SLC1A2: variants seen among roughly 807,000 people sequenced by gnomAD.
SLC1A2 encodes the protein excitatory amino acid transporter 2.
A neutral mutation model predicts 48.8 loss-of-function variants in SLC1A2; 15 were observed. The ratio of observed to expected loss-of-function variants is 0.31; its 90% CI spans 0.21 to 0.47. SLC1A2 has a LOEUF of 0.47. SLC1A2 is among the 20% of genes least tolerant of loss of function. The probability of loss-of-function intolerance (pLI) is 0.99; values close to 1 mark genes in which losing one functional copy is unlikely to be tolerated. For missense variants in SLC1A2, 502 were observed against 730.5 expected, an observed-to-expected ratio of 0.69 and a Z score of 3.61; for synonymous variants, 279 against 272.6, an observed-to-expected ratio of 1.02 and a Z score of -0.23.
Position 35,251,518 on chromosome 11 carries a change from T to A in SLC1A2, c.*9376A>T, listed in dbSNP as rs1950238054. 6.6e-6 allele frequency: 1 copy of A among 152,488 alleles called. No individual in the cohort carries two copies. Among genetic ancestry groups the A allele is most frequent in the South Asian group, 2.1e-4 (1 of 4,838 alleles). The allele number at this position is 152,488 out of a possible 1,614,324, so 9.4% of individuals were successfully genotyped here. On this transcript the variant is annotated 3_prime_UTR_variant, in exon 11 of 11. Coordinates refer to ENST00000278379, the MANE Select transcript of SLC1A2 (RefSeq NM_004171.4). ...GTCTTTAAACACTATGTGCTATAGA[T>A]GCTCTGTGCTACGTGACTTCAGACC...
At position 35,312,478 on chromosome 11, in the gene SLC1A2, A is replaced by G; in HGVS notation, c.311-30T>C. 3 of 1,611,886 alleles carry G rather than the reference A, an allele frequency of 1.9e-6. No homozygotes were observed. The South Asian group carries it at 3.3e-5, about 18-fold the overall frequency. ...ATTGAAAAGAAATGCAGAAGGATTAATTCTATTACGTTTGTGCTAATGACC... is the reference window on the plus strand; with the variant it reads ...ATTGAAAAGAAATGCAGAAGGATTAGTTCTATTACGTTTGTGCTAATGACC... On this transcript the variant is annotated intron_variant, in intron 3 of 10. Transcript: ENST00000278379.
At chr11:35,280,492 T>C (rs1353229346) in intron 9 of SLC1A2, 2 of 169,382 alleles carry the variant, frequency 1.2e-5, no homozygotes, top group Admixed American at 1.3e-4. Context: ...TGATATGTGG[T>C]ACATCGTCTT....
In SLC1A2 at chr11:35,312,379, G is replaced by A. The variant is rs1413973106; in HGVS notation, c.380C>T (p.Thr127Met). The A allele has an allele frequency of 3.7e-6, 6 of 1,613,962 alleles. No homozygotes were observed. Among genetic ancestry groups the A allele is most frequent in the Admixed American group, 1.7e-5 (1 of 60,000 alleles). ...GTRAMVYYMS[T>M]TIIAAVLGVI... ...CCCCAGTACTGCAGCAATGATGGTC[G>A]TGGACATGTAATACACCATGGCTCT... Residue 127 changes from threonine to methionine, a missense_variant, in exon 4 of 11, where the codon ACG becomes ATG. Thr to Met is a moderately conservative substitution (Grantham distance 81). Around this residue, in one of 4 missense-constraint regions of SLC1A2, gnomAD observed 309 missense variants for 480.3 expected, o/e 0.64. Coordinates refer to ENST00000278379, the MANE Select transcript of SLC1A2 (RefSeq NM_004171.4).
chr11:35,337,622 A>T (rs1177848334), intron 1 of SLC1A2, among the ~76,000 whole-genome samples: 1 of 152,162 alleles, frequency 6.6e-6, no homozygotes, highest in Non-Finnish European at 1.5e-5. Context: ...CCATGGGTGT[A>T]CCAGTAGGTG....
chr11:35,415,163 T>C (rs1246508255), intron 1 of SLC1A2, among the ~76,000 whole-genome samples: 1 of 152,198 alleles, frequency 6.6e-6, no homozygotes, highest in African/African-American at 2.4e-5. Context: ...TAAGGACTTT[T>C]CCTTGTCTGA....
rs1468820226 is a variant in SLC1A2 at position 35,315,168 on chromosome 11, G to A, written c.165C>T (p.Ile55=). The part of the protein sequence containing the change: ...LLLTLTVFGV[I]LGAVCGGLLR... ...GAAGCCCTCCACACACTGCTCCCAG[G>A]ATGACACCTAAAAGGAAGGGGAAAA... is the stretch of plus-strand genomic sequence containing the variant. The change falls in exon 3 of 11, where the codon ATC becomes ATT. Residue 55 remains isoleucine, a synonymous_variant. Coordinates refer to ENST00000278379, the MANE Select transcript of SLC1A2 (RefSeq NM_004171.4). 2.5e-6 allele frequency: 4 copies of A among 1,613,300 alleles called. No individual in the cohort carries two copies. The South Asian group carries it at 3.3e-5, about 13-fold the overall frequency.
At chr11:35,397,303 A>G (rs2135260602) in intron 1 of SLC1A2, among the ~76,000 whole-genome samples, 1 of 145,988 alleles carries the variant, frequency 6.8e-6, no homozygotes, top group Non-Finnish European at 1.5e-5. Flanking sequence ...AGTAACCAAA[A>G]CAGCATGGTA....
At chr11:35,419,877 C>A (rs1234916094), upstream of SLC1A2, 1 of 461,070 alleles carries the variant, frequency 2.2e-6, no homozygotes, top group South Asian at 1.6e-5. The surrounding 1 kb of genome is among the most constrained non-coding windows in gnomAD (Gnocchi z 5.4). Context: ...CCTCCTCACT[C>A]CCCGGAGCAC....
intron 1 of SLC1A2, among the ~76,000 whole-genome samples, chr11:35,326,193 C>T (rs569906267): frequency 8.5e-5 from 13 of 152,198 alleles, no homozygotes; most frequent in African/African-American, 3.1e-4. Flanking sequence ...GATGAGGACC[C>T]GGGAAGATGC....
rs1225532912 is a variant in SLC1A2, at chr11:35,315,101, T to C, written c.232A>G (p.Ile78Val). Residue 78 changes from isoleucine (I) to valine (V), a missense_variant, in exon 3 of 11, where the codon ATA becomes GTA. Transcript: ENST00000278379. ...SPIHPDVVML[I>V]AFPGDILMRM... ...ATGAGTATATCCCCTGGGAAGGCTA[T>C]TAACATAACCACATCAGGGTGGATG... 2 of 1,612,770 alleles carry C rather than the reference T, an allele frequency of 1.2e-6. No homozygotes were observed. Among genetic ancestry groups the C allele is most frequent in the Non-Finnish European group, 1.7e-6 (2 of 1,178,822 alleles).
In SLC1A2 at chr11:35,407,059, C is replaced by T. The variant is rs550664810; in HGVS notation, c.17+11891G>A. Among the ~76,000 whole-genome samples, 4 of 150,804 alleles carry T rather than the reference C, an allele frequency of 2.7e-5. No homozygotes were observed. In the South Asian group the frequency reaches 6.3e-4, roughly 24 times the overall value. On this transcript the variant is annotated intron_variant, in intron 1 of 10. Coordinates refer to ENST00000278379, the MANE Select transcript of SLC1A2 (RefSeq NM_004171.4). ...AAGAGAAGAATTCCAACTAGGGAGA[C>T]TTAGAAAGGACTTAAAAGGTAAATC...
chr11:35,265,298 G>A, intron 10 of SLC1A2: 1 of 555,974 alleles, frequency 1.8e-6, no homozygotes, highest in Non-Finnish European at 3.1e-6. Flanking sequence ...ACATCACATG[G>A]ACGAAATAAG....
At chr11:35,359,120 G>C (rs1419701898) in intron 1 of SLC1A2, among the ~76,000 whole-genome samples, 1 of 152,162 alleles carries the variant, frequency 6.6e-6, no homozygotes, top group African/African-American at 2.4e-5. Context: ...TAAAATCTTA[G>C]TTAAAGCCAC....
At chr11:35,364,621 A>G (rs1359715938) in intron 1 of SLC1A2, among the ~76,000 whole-genome samples, 2 of 152,236 alleles carry the variant, frequency 1.3e-5, no homozygotes, top group African/African-American at 2.4e-5. Context: ...AACTACACAC[A>G]TTAGGTAAGT....
At chr11:35,333,917 A>G (rs1017207106) in intron 1 of SLC1A2, among the ~76,000 whole-genome samples, 2 of 149,924 alleles carry the variant, frequency 1.3e-5, no homozygotes, top group African/African-American at 4.9e-5. Context: ...GGCCTCAAGT[A>G]ATCTACCTGC....
chr11:35,305,183 C>G (rs997952985), intron 5 of SLC1A2, among the ~76,000 whole-genome samples: 1 of 152,174 alleles, frequency 6.6e-6, no homozygotes, highest in Non-Finnish European at 1.5e-5. Flanking sequence ...GGGGAGCAAA[C>G]TGGGCAGACT....
At chr11:35,386,987 C>G (rs1003413436) in intron 1 of SLC1A2, among the ~76,000 whole-genome samples, 2 of 152,060 alleles carry the variant, frequency 1.3e-5, no homozygotes, top group South Asian at 4.2e-4. Context: ...CCAGGCTGGT[C>G]TTGAACTTCT....
intron 1 of SLC1A2, among the ~76,000 whole-genome samples, chr11:35,390,169 A>G (rs1565297175): frequency 6.6e-6 from 1 of 152,224 alleles, no homozygotes; most frequent in Non-Finnish European, 1.5e-5. Context: ...ACACAAACAA[A>G]AAACCCACTT....
chr11:35,360,141 T>C (rs1853624494), intron 1 of SLC1A2: 6 of 969,074 alleles, frequency 6.2e-6, no homozygotes, highest in South Asian at 4.8e-5. Flanking sequence ...GGAAAAGCTG[T>C]CGGGGGCTTT....
Sources: allele counts gnomAD v4.1 joint callset (sites outside exome capture counted in the v4.1 genomes callset), GRCh38; gene constraint gnomAD v4.1.1; regional missense constraint gnomAD v4.1.1; non-coding constraint Gnocchi (gnomAD v3.1); transcripts MANE v1.5; gene names NCBI Gene and HGNC (gene_info 2026-07-23, HGNC 2026-07-21).